HERC4: variants seen among roughly 807,000 people sequenced by gnomAD.
HERC4 encodes the protein HECT and RLD domain containing E3 ubiquitin protein ligase 4.
A neutral mutation model predicts 124.3 loss-of-function variants in HERC4; 28 were observed. That is an observed-to-expected ratio of 0.23 (90% CI 0.17 to 0.31). The LOEUF (loss-of-function observed/expected upper bound fraction) is 0.31. Ranked by LOEUF, HERC4 falls within the 10% of genes least tolerant of loss-of-function variation. The pLI is 1.00. For synonymous variants in HERC4, 407 were observed against 421.5 expected, an observed-to-expected ratio of 0.97 and a Z score of 0.42; for missense variants, 713 against 1,229.3, an observed-to-expected ratio of 0.58 and a Z score of 6.28.
At chr10:68,023,472 G>A (rs2038746549) in intron 8 of HERC4, among the ~76,000 whole-genome samples, 1 of 152,162 alleles carries the variant, frequency 6.6e-6, no homozygotes. Flanking sequence ...AACACTGTAA[G>A]AGTCTACCTA....
chr10:68,065,061 C>T (rs193156111), intron 3 of HERC4, among the ~76,000 whole-genome samples: 141 of 151,712 alleles, frequency 9.3e-4, no homozygotes, highest in African/African-American at 3.0e-3. Context: ...TAAATATTCC[C>T]AATATTCCTA....
chr10:68,014,073 A>G lies in HERC4; in HGVS notation c.1022T>C (p.Val341Ala). 1 of 1,613,502 alleles carries G rather than the reference A, an allele frequency of 6.2e-7. No individual in the cohort carries two copies. Among genetic ancestry groups the G allele is most frequent in the Admixed American group, 1.7e-5 (1 of 59,920 alleles). Residue 341 changes from valine (V) to alanine (A), a missense_variant, in exon 9 of 25, where the codon GTA becomes GCA. Coordinates refer to ENST00000373700, the MANE Select transcript of HERC4 (RefSeq NM_015601.4). ...STSNRKSPFTVKGNWYPYNGQ... is the reference protein window; with the variant it reads ...STSNRKSPFTAKGNWYPYNGQ... ...ATTATAGGGGTACCAATTTCCTTTT[A>G]CAGTAAAGGGGCTTTTCCTGTTGCT...
intron 9 of HERC4, chr10:68,010,724 A>G (rs2037898511): frequency 2.0e-6 from 3 of 1,487,526 alleles, no homozygotes; most frequent in Non-Finnish European, 2.8e-6. Context: ...AGCCTCAAAG[A>G]GGCAGATGGT....
At chr10:67,935,417 T>C (rs1232242897) in intron 22 of HERC4, among the ~76,000 whole-genome samples, 1 of 152,172 alleles carries the variant, frequency 6.6e-6, no homozygotes, top group Non-Finnish European at 1.5e-5. Flanking sequence ...AGTGCTGGGA[T>C]TGCAGGTGTG....
rs1238106638 is a variant in HERC4 at position 67,990,973 on chromosome 10, A to T, written c.1374T>A (p.Val458=). 6.2e-7 allele frequency: 1 copy of T among 1,608,606 alleles called. No individual in the cohort carries two copies. The highest frequency in any genetic ancestry group is 1.7e-5 in the Admixed American group (1 of 59,766). Residue 458 remains valine, a synonymous_variant, in exon 13 of 25, where the codon GTT becomes GTA. Transcript: ENST00000373700. ...HYRTGTRFSG[V]DMNAARLLFH... ...ATAAAAGCCTAGCAGCATTCATATC[A>T]ACCCCTGAAAATCTGGTACCTGTTC...
intron 5 of HERC4, among the ~76,000 whole-genome samples, chr10:68,034,399 CTTTAAG>C (rs1207145444): frequency 6.6e-6 from 1 of 152,254 alleles, no homozygotes; most frequent in Non-Finnish European, 1.5e-5. Flanking sequence ...TATTAGTACA[CTTTAAG>C]TTTGATTGAC....
chr10:68,038,927 C>A (rs1159499331), intron 4 of HERC4, among the ~76,000 whole-genome samples: 1 of 152,100 alleles, frequency 6.6e-6, no homozygotes, highest in Non-Finnish European at 1.5e-5. Flanking sequence ...TGTACATCAA[C>A]CATCCCAGCA....
At chr10:68,061,011 C>T (rs1197677066) in intron 3 of HERC4, among the ~76,000 whole-genome samples, 2 of 152,068 alleles carry the variant, frequency 1.3e-5, no homozygotes, top group African/African-American at 2.4e-5. Context: ...CCTAATTCTG[C>T]TCTTTAGGAC....
At chr10:67,933,656 C>T (rs565450196) in intron 22 of HERC4, among the ~76,000 whole-genome samples, 3 of 152,108 alleles carry the variant, frequency 2.0e-5, no homozygotes, top group Admixed American at 1.3e-4. Context: ...AATTTTTTCA[C>T]ATCATTTTAA....
At chr10:67,959,126 TG>T in intron 16 of HERC4, 1 of 1,598,402 alleles carries the variant, frequency 6.3e-7, no homozygotes, top group East Asian at 2.3e-5. Flanking sequence ...AGTTAATCCA[TG>T]GTTGACATCC....
chr10:67,991,913 T>C (rs573982322), intron 11 of HERC4, among the ~76,000 whole-genome samples: 14 of 152,154 alleles, frequency 9.2e-5, no homozygotes, highest in Non-Finnish European at 1.8e-4. Context: ...ATATTTTTTT[T>C]TGGAGACAAG....
intron 3 of HERC4, among the ~76,000 whole-genome samples, chr10:68,046,897 A>G (rs2040039566): frequency 6.6e-6 from 1 of 152,144 alleles, no homozygotes; most frequent in African/African-American, 2.4e-5. Flanking sequence ...AGTTGAAGCT[A>G]CAGTGAGCTG....
chr10:67,951,708 G>GTGTTTC (rs2033806635), intron 19 of HERC4, among the ~76,000 whole-genome samples: 1 of 152,074 alleles, frequency 6.6e-6, no homozygotes, highest in Non-Finnish European at 1.5e-5. Flanking sequence ...TTGCTCTTCT[G>GTGTTTC]TGTTTCTAGA....
chr10:67,965,705 A>G (rs545790202), intron 16 of HERC4: 4 of 152,346 alleles, frequency 2.6e-5, no homozygotes, highest in African/African-American at 7.2e-5. Context: ...TGACAAGAGC[A>G]CCCATCCACA....
intron 9 of HERC4, among the ~76,000 whole-genome samples, chr10:68,009,991 T>C (rs952057327): frequency 6.6e-6 from 1 of 152,144 alleles, no homozygotes; most frequent in Non-Finnish European, 1.5e-5. Flanking sequence ...AAAAAAGTGA[T>C]ACATGATATG....
chr10:68,012,479 T>C (rs1264915510), intron 9 of HERC4, among the ~76,000 whole-genome samples: 1 of 152,206 alleles, frequency 6.6e-6, no homozygotes, highest in East Asian at 1.9e-4. Context: ...TTCAACACTG[T>C]TGTGCCTCAA....
chr10:68,062,502 C>T (rs746919500), intron 3 of HERC4, among the ~76,000 whole-genome samples: 1 of 152,084 alleles, frequency 6.6e-6, no homozygotes, highest in Non-Finnish European at 1.5e-5. Flanking sequence ...CGCCTGTAAT[C>T]CCAGCACTTT....
At chr10:67,996,979 C>A (rs2036923562) in intron 9 of HERC4, among the ~76,000 whole-genome samples, 1 of 151,332 alleles carries the variant, frequency 6.6e-6, no homozygotes, top group African/African-American at 2.4e-5. Context: ...CAGAGCAAGA[C>A]TCCGTCTCGA....
intron 3 of HERC4, among the ~76,000 whole-genome samples, chr10:68,049,876 A>C (rs941421971): frequency 6.6e-6 from 1 of 152,106 alleles, no homozygotes; most frequent in Non-Finnish European, 1.5e-5. Context: ...GTGCCACTGC[A>C]CTCAAGCCTG....
Sources: allele counts gnomAD v4.1 joint callset (sites outside exome capture counted in the v4.1 genomes callset), GRCh38; gene constraint gnomAD v4.1.1; transcripts MANE v1.5; gene names NCBI Gene and HGNC (gene_info 2026-07-23, HGNC 2026-07-21).